The following DHCR24 variants were observed in gnomAD, a reference collection of about 807,000 sequenced individuals.
DHCR24 encodes 24-dehydrocholesterol reductase, also known as delta(24)-sterol reductase.
Under a neutral mutation model 61.2 loss-of-function variants are expected in DHCR24, and 28 were observed. The ratio of observed to expected loss-of-function variants is 0.46; its 90% CI spans 0.34 to 0.63. DHCR24 has a LOEUF of 0.63. Among genes scored for constraint, DHCR24 ranks in the 20% least tolerant of loss-of-function variants. The pLI is 0.01. For missense variants in DHCR24, 538 were observed against 679.1 expected, an observed-to-expected ratio of 0.79 and a Z score of 2.31; for synonymous variants, 261 against 275.9, an observed-to-expected ratio of 0.95 and a Z score of 0.54.
At chr1:54,854,598 G>A (rs1027055103) in intron 6 of DHCR24, among the ~76,000 whole-genome samples, 6 of 152,238 alleles carry the variant, frequency 3.9e-5, no homozygotes, top group Non-Finnish European at 7.3e-5. Flanking sequence ...TGATCTAGCT[G>A]TTGAGATCTG....
intron 8 of DHCR24, 26 bp from the exon 9 acceptor site, chr1:54,852,412 G>A (rs777718516): frequency 4.3e-6 from 7 of 1,613,144 alleles, no homozygotes; most frequent in Admixed American, 1.7e-5. Flanking sequence ...AGTGGGTGAG[G>A]ACGCCAGGAG....
Position 54,871,583 on chromosome 1 carries a change from G to T in DHCR24, c.643C>A (p.Pro215Thr). ...AAACCCAGCGTCCCACAGGACCAGG[G>T]TACGGCATAGAACAGGTCTGAGTTT... ...SENSDLFYAV[P>T]WSCGTLGFLV... Residue 215 changes from proline to threonine, a missense_variant, in exon 5 of 9, where the codon CCC (proline) becomes ACC (threonine). Pro to Thr is a conservative substitution (Grantham distance 38, BLOSUM62 -1). Coordinates refer to ENST00000371269, the MANE Select transcript of DHCR24 (RefSeq NM_014762.4). 1 of 1,614,212 alleles carries T rather than the reference G, an allele frequency of 6.2e-7. No homozygotes were observed. The highest frequency in any genetic ancestry group is 1.3e-5 in the African/African-American group (1 of 75,050).
chr1:54,879,338 A>G (rs1190827442), intron 2 of DHCR24, among the ~76,000 whole-genome samples: 2 of 151,640 alleles, frequency 1.3e-5, no homozygotes, highest in South Asian at 2.1e-4. Context: ...AAAAAAAAAA[A>G]AAAAAAAAAA....
intron 5 of DHCR24, among the ~76,000 whole-genome samples, chr1:54,865,874 C>T (rs971171816): frequency 6.7e-6 from 1 of 149,386 alleles, no homozygotes; most frequent in African/African-American, 2.4e-5. Context: ...CAACCCAGGG[C>T]TCATGGCACC....
intron 6 of DHCR24, among the ~76,000 whole-genome samples, chr1:54,861,278 GC>G (rs1646936968): frequency 6.6e-6 from 1 of 152,156 alleles, no homozygotes; most frequent in South Asian, 2.1e-4. Flanking sequence ...ACCATCCCTG[GC>G]TGTTTCCATG....
chr1:54,885,388 G>C (rs1344967634), intron 1 of DHCR24, among the ~76,000 whole-genome samples: 1 of 152,182 alleles, frequency 6.6e-6, no homozygotes, highest in Non-Finnish European at 1.5e-5. Context: ...AGGTCAGACA[G>C]CTATTACAAG....
chr1:54,858,162 C>T (rs1004862799), intron 6 of DHCR24, among the ~76,000 whole-genome samples: 6 of 152,266 alleles, frequency 3.9e-5, no homozygotes, highest in African/African-American at 1.2e-4. Context: ...CAGGGAGGCA[C>T]CCGTTCCCCC....
At chr1:54,881,054 G>A (rs1647061603) in intron 2 of DHCR24, among the ~76,000 whole-genome samples, 1 of 152,162 alleles carries the variant, frequency 6.6e-6, no homozygotes, top group Non-Finnish European at 1.5e-5. Flanking sequence ...GGAGGCTGAG[G>A]CAGGAGAATC....
At chr1:54,856,850 C>G (rs764129357) in intron 6 of DHCR24, among the ~76,000 whole-genome samples, 7 of 152,146 alleles carry the variant, frequency 4.6e-5, no homozygotes, top group Non-Finnish European at 1.0e-4. Context: ...CCATTTTATA[C>G]TCTCCCAGAC....
intron 5 of DHCR24, among the ~76,000 whole-genome samples, chr1:54,870,330 ACTTTTT>A (rs1646110059): frequency 6.6e-6 from 1 of 152,194 alleles, no homozygotes; most frequent in Non-Finnish European, 1.5e-5. Context: ...ATGCACTTTA[ACTTTTT>A]CTTTATATAT....
intron 2 of DHCR24, among the ~76,000 whole-genome samples, chr1:54,882,375 A>AC (rs1214763616): frequency 3.9e-5 from 6 of 152,228 alleles, no homozygotes; most frequent in Non-Finnish European, 5.9e-5. Context: ...AACAAGAACA[A>AC]CACTCACGCT....
intron 7 of DHCR24, 141 bp from the exon 8 acceptor site, chr1:54,853,753 G>A (rs1362075612): frequency 2.4e-5 from 24 of 1,004,908 alleles, no homozygotes; most frequent in South Asian, 1.3e-4. Context: ...TCACTGCCCC[G>A]CCCCCCAGCC....
chr1:54,869,259 C>T (rs1199906641), intron 5 of DHCR24, among the ~76,000 whole-genome samples: 1 of 152,076 alleles, frequency 6.6e-6, no homozygotes, highest in Non-Finnish European at 1.5e-5. Context: ...TTAGTGTTGG[C>T]AAGAATGTAG....
chr1:54,853,095 A>G (rs1227367943), intron 8 of DHCR24, among the ~76,000 whole-genome samples: 1 of 152,112 alleles, frequency 6.6e-6, no homozygotes, highest in African/African-American at 2.4e-5. Flanking sequence ...CATCTGGAGC[A>G]GTTGCCCCTG....
intron 6 of DHCR24, among the ~76,000 whole-genome samples, chr1:54,863,069 T>A (rs1470094143): frequency 2.3e-5 from 2 of 85,420 alleles, no homozygotes; most frequent in Non-Finnish European, 4.4e-5. Context: ...AGCAAGACTC[T>A]GCCTCAAAAA....
intron 5 of DHCR24, among the ~76,000 whole-genome samples, chr1:54,866,553 G>A (rs1021268209): frequency 1.3e-5 from 2 of 152,158 alleles, no homozygotes; most frequent in East Asian, 1.9e-4. Flanking sequence ...GCCTAGGCAG[G>A]TTACTTAGCA....
rs568322918 is a variant in DHCR24, at chr1:54,853,870, CT to C, written c.1218+166del. 1.7e-3 allele frequency among the ~76,000 whole-genome samples: 263 copies of C among 152,250 alleles called. 2 individuals carry two copies. Among genetic ancestry groups the C allele is most frequent in the Non-Finnish European group, 1.5e-3 (105 of 68,016 alleles). Reference sequence around the variant, plus strand: ...GACTCCTCTCCCAGGGGGGCCATCACTGAGTGGGTTGAGGCCTCAGCAGACA... The same window carrying C: ...GACTCCTCTCCCAGGGGGGCCATCACGAGTGGGTTGAGGCCTCAGCAGACA... On this transcript the variant is annotated intron_variant, in intron 7 of 8. Transcript: ENST00000371269.
At position 54,879,501 on chromosome 1, in the gene DHCR24, A is replaced by G. The variant is rs544023004; in HGVS notation, c.388-3454T>C. Among the ~76,000 whole-genome samples, 51 of 152,268 alleles carry G rather than the reference A, an allele frequency of 3.3e-4. 1 individual carries two copies. The highest frequency in any genetic ancestry group is 6.7e-4 in the African/African-American group (28 of 41,544). ...AAACCAACCAAAATGAAAGAGAGGAAAAAAATTTCTTTTAAATGAACAGTG... is the reference window on the plus strand; with the variant it reads ...AAACCAACCAAAATGAAAGAGAGGAGAAAAATTTCTTTTAAATGAACAGTG... On this transcript the variant is annotated intron_variant, in intron 2 of 8. Coordinates refer to ENST00000371269, the MANE Select transcript of DHCR24 (RefSeq NM_014762.4).
At position 54,881,991 on chromosome 1, in the gene DHCR24, A is replaced by G. The variant is rs142471875; in HGVS notation, c.387+1627T>C. The stretch of plus-strand genomic sequence containing the variant: ...CCTATCAGAGGGTGGAGGGAGGGAG[A>G]AGGGAGAGGATCAGGAAAAATAACT... On this transcript the variant is annotated intron_variant, in intron 2 of 8. Coordinates refer to ENST00000371269, the MANE Select transcript of DHCR24 (RefSeq NM_014762.4). Among the ~76,000 whole-genome samples, 1,145 of 152,248 alleles carry G rather than the reference A, an allele frequency of 7.5e-3. 14 individuals carry two copies. The highest frequency in any genetic ancestry group is 0.026 in the African/African-American group (1,076 of 41,548).
Sources: allele counts gnomAD v4.1 joint callset (sites outside exome capture counted in the v4.1 genomes callset), GRCh38; gene constraint gnomAD v4.1.1; transcripts MANE v1.5; gene names NCBI Gene and HGNC (gene_info 2026-07-23, HGNC 2026-07-21).